HS3ST4: variants seen among roughly 807,000 people sequenced by gnomAD.
HS3ST4 encodes heparan sulfate-glucosamine 3-sulfotransferase 4, also known as heparan sulfate glucosamine 3-O-sulfotransferase 4.
HS3ST4 carries 17 observed loss-of-function variants against 29.2 expected under a neutral mutation model. The ratio of observed to expected loss-of-function variants is 0.58; its 90% CI spans 0.40 to 0.87. The LOEUF (loss-of-function observed/expected upper bound fraction) is 0.87. HS3ST4 is among the 40% of genes least tolerant of loss of function. The pLI, the probability that HS3ST4 is intolerant of heterozygous loss-of-function variation, is 0.00. For synonymous variants in HS3ST4, 314 were observed against 285.7 expected, an observed-to-expected ratio of 1.10 and a Z score of -1.00; for missense variants, 627 against 634.5, an observed-to-expected ratio of 0.99 and a Z score of 0.13.
At chr16:25,762,896 A>AAAAG (rs1567234936) in intron 1 of HS3ST4, among the ~76,000 whole-genome samples, 2 of 146,060 alleles carry the variant, frequency 1.4e-5, no homozygotes, top group African/African-American at 2.7e-5. Flanking sequence ...AAAAAAAAAA[A>AAAAG]AAAGAAAAAA....
chr16:25,945,980 G>A (rs182199289), intron 1 of HS3ST4, among the ~76,000 whole-genome samples: 33 of 152,112 alleles, frequency 2.2e-4, no homozygotes, highest in Admixed American at 8.5e-4. Flanking sequence ...CCTACCCATG[G>A]TCTCTTTTAT....
At chr16:26,050,295 T>C (rs1898325598) in intron 1 of HS3ST4, among the ~76,000 whole-genome samples, 2 of 152,080 alleles carry the variant, frequency 1.3e-5, no homozygotes. Flanking sequence ...TCTCTCTCTC[T>C]GTCTCTCTCT....
intron 1 of HS3ST4, among the ~76,000 whole-genome samples, chr16:25,770,078 G>C (rs1458208133): frequency 2.0e-5 from 3 of 152,178 alleles, no homozygotes; most frequent in African/African-American, 7.2e-5. Context: ...TTCCAGTAAA[G>C]ATCGTGGGAC....
chr16:25,919,177 G>GCCA (rs1195627966), intron 1 of HS3ST4, among the ~76,000 whole-genome samples: 2 of 152,050 alleles, frequency 1.3e-5, no homozygotes, highest in African/African-American at 4.8e-5. Context: ...ACAGGTGCAT[G>GCCA]CCACCACTCC....
At chr16:26,093,014 T>C (rs1162821965) in intron 1 of HS3ST4, among the ~76,000 whole-genome samples, 3 of 152,096 alleles carry the variant, frequency 2.0e-5, no homozygotes, top group Non-Finnish European at 4.4e-5. Context: ...GATCAAACTG[T>C]GAGGCGGCAG....
intron 1 of HS3ST4, among the ~76,000 whole-genome samples, chr16:26,128,717 A>T (rs1282939575): frequency 1.3e-5 from 2 of 152,188 alleles, no homozygotes. Flanking sequence ...TCTGACTTCC[A>T]GTTTTTGCAT....
chr16:26,085,167 A>G (rs1247986844), intron 1 of HS3ST4, among the ~76,000 whole-genome samples: 4 of 152,154 alleles, frequency 2.6e-5, no homozygotes, highest in African/African-American at 9.6e-5. Context: ...CAGGATTTAG[A>G]TCCAGAAAAA....
intron 1 of HS3ST4, among the ~76,000 whole-genome samples, chr16:25,702,432 C>T (rs188326734): frequency 1.3e-5 from 2 of 152,270 alleles, no homozygotes; most frequent in Admixed American, 1.3e-4. Context: ...TTGCAAGGGA[C>T]TTGTAAAAAC....
intron 1 of HS3ST4, among the ~76,000 whole-genome samples, chr16:26,100,334 G>A (rs1016646827): frequency 2.0e-5 from 3 of 152,098 alleles, no homozygotes; most frequent in Non-Finnish European, 4.4e-5. Context: ...TTGCTATTAC[G>A]AAGAAAAAGA....
intron 1 of HS3ST4, among the ~76,000 whole-genome samples, chr16:26,004,856 C>A (rs2141735841): frequency 6.6e-6 from 1 of 152,238 alleles, no homozygotes; most frequent in South Asian, 2.1e-4. Flanking sequence ...ACTCCTTGGT[C>A]ACTTGTTTAT....
intron 1 of HS3ST4, among the ~76,000 whole-genome samples, chr16:25,891,869 G>A (rs1003814988): frequency 6.6e-6 from 1 of 152,196 alleles, no homozygotes; most frequent in African/African-American, 2.4e-5. Context: ...CTTACTAGCT[G>A]AGTGATGTTG....
chr16:25,760,101 G>GCCCTAA (rs996874734), intron 1 of HS3ST4, among the ~76,000 whole-genome samples: 175 of 152,072 alleles, frequency 1.2e-3, no homozygotes, highest in African/African-American at 3.6e-3. Context: ...GGCTGCCATA[G>GCCCTAA]CCCTAACCCT....
chr16:26,044,449 C>T (rs532019247), intron 1 of HS3ST4, among the ~76,000 whole-genome samples: 9 of 152,266 alleles, frequency 5.9e-5, no homozygotes, highest in East Asian at 1.9e-4. Flanking sequence ...TGAAGGTTGG[C>T]GGAGCTTCTG....
intron 1 of HS3ST4, among the ~76,000 whole-genome samples, chr16:25,821,879 A>G (rs747601809): frequency 3.9e-5 from 6 of 152,200 alleles, no homozygotes; most frequent in Non-Finnish European, 7.3e-5. Flanking sequence ...ACTACCCTCT[A>G]GCCAACTCCA....
intron 1 of HS3ST4, among the ~76,000 whole-genome samples, chr16:25,830,925 C>A (rs1365060919): frequency 6.6e-6 from 1 of 152,128 alleles, no homozygotes; most frequent in Non-Finnish European, 1.5e-5. Flanking sequence ...CAGTGGCTTC[C>A]CACACTTCTC....
At chr16:25,928,380 T>C (rs1306582085) in intron 1 of HS3ST4, among the ~76,000 whole-genome samples, 1 of 151,186 alleles carries the variant, frequency 6.6e-6, no homozygotes, top group Non-Finnish European at 1.5e-5. Context: ...AAAAATAAAA[T>C]AGAAGGAAAC....
At chr16:26,006,319 A>G (rs1466536358) in intron 1 of HS3ST4, among the ~76,000 whole-genome samples, 4 of 150,886 alleles carry the variant, frequency 2.7e-5, no homozygotes, top group African/African-American at 9.7e-5. Flanking sequence ...AAAAAAAAAA[A>G]AAAAAAGAGG....
At chr16:25,962,630 C>G (rs565466384) in intron 1 of HS3ST4, among the ~76,000 whole-genome samples, 1 of 152,262 alleles carries the variant, frequency 6.6e-6, no homozygotes, top group South Asian at 2.1e-4. Flanking sequence ...GGATCCAGCC[C>G]CTTCATCATT....
At chr16:26,042,550 G>A (rs866680076) in intron 1 of HS3ST4, among the ~76,000 whole-genome samples, 4 of 152,112 alleles carry the variant, frequency 2.6e-5, no homozygotes, top group African/African-American at 4.8e-5. Context: ...GCGATTACCC[G>A]GGCTACCGCT....
Sources: allele counts gnomAD v4.1 joint callset (sites outside exome capture counted in the v4.1 genomes callset), GRCh38; gene constraint gnomAD v4.1.1; transcripts MANE v1.5; gene names NCBI Gene and HGNC (gene_info 2026-07-23, HGNC 2026-07-21).